The following PDCD1LG2 variants were observed in gnomAD, a reference collection of about 807,000 sequenced individuals.
The protein encoded by PDCD1LG2 is B7 dendritic cell molecule.
PDCD1LG2 carries 32 observed loss-of-function variants against 28.2 expected under a neutral mutation model. The observed-to-expected ratio is 1.13, with a 90% CI of 0.86 to 1.52. The LOEUF (loss-of-function observed/expected upper bound fraction) is 1.52, where lower values mean the gene tolerates loss of function less well. Among genes scored for constraint, PDCD1LG2 ranks in the 40% most tolerant of loss-of-function variants. PDCD1LG2 has a pLI of 0.00. For missense variants in PDCD1LG2, 385 were observed against 323.8 expected (o/e 1.19, Z -1.45); for synonymous variants, 116 against 120.2 (o/e 0.97, Z 0.23).
chr9:5,515,453 T>C (rs1820138557), intron 1 of PDCD1LG2, among the ~76,000 whole-genome samples: 1 of 152,190 alleles, frequency 6.6e-6, no homozygotes, highest in Admixed American at 6.5e-5. Context: ...AAATGAGGTA[T>C]GTGGACAACT....
At chr9:5,525,854 C>G (rs1282942863) in intron 2 of PDCD1LG2, among the ~76,000 whole-genome samples, 1 of 152,026 alleles carries the variant, frequency 6.6e-6, no homozygotes, top group Non-Finnish European at 1.5e-5. Flanking sequence ...CGAGACCAGC[C>G]TGGCCCGCAT....
At position 5,570,483 on chromosome 9, in the gene PDCD1LG2, C is replaced by G; in HGVS notation, c.*524C>G. On this transcript the variant is annotated 3_prime_UTR_variant, in exon 7 of 7. Coordinates refer to ENST00000397747, the MANE Select transcript of PDCD1LG2 (RefSeq NM_025239.4). ...CATAATTGACATGTTTTATGGATTA[C>G]TGGAATCTTGATAGCATAATGAAGT... 1 of 233,942 alleles carries G rather than the reference C, an allele frequency of 4.3e-6. No individual in the cohort carries two copies. The highest frequency in any genetic ancestry group is 6.0e-5 in the East Asian group (1 of 16,540). The allele number at this position is 233,942 out of a possible 1,614,324, so 14.5% of individuals were successfully genotyped here. A position where few individuals can be genotyped will look rare whatever the true frequency, so the allele number is the denominator to read the frequency against.
intron 1 of PDCD1LG2, among the ~76,000 whole-genome samples, chr9:5,521,242 A>G (rs1820267836): frequency 6.6e-6 from 1 of 152,150 alleles, no homozygotes; most frequent in African/African-American, 2.4e-5. Flanking sequence ...AGTTTCTGCT[A>G]ATGGGTAAGG....
rs1173743109 is a variant in PDCD1LG2, at chr9:5,549,338, C to T, written c.365C>T (p.Ser122Phe). The change falls in exon 4 of 7, where the codon TCC becomes TTC. Residue 122 changes from serine to phenylalanine, a missense_variant. Ser to Phe is a radical substitution (Grantham distance 155). Transcript: ENST00000397747. ...YKYLTLKVKA[S>F]YRKINTHILK... ...CTTTTTCTTCTCTATTGTCCAGCTT[C>T]CTACAGGAAAATAAACACTCACATC... The T allele has an allele frequency of 6.2e-7, 1 of 1,610,488 alleles. No homozygotes were observed. The highest frequency in any genetic ancestry group is 2.2e-5 in the East Asian group (1 of 44,804).
intron 2 of PDCD1LG2, among the ~76,000 whole-genome samples, chr9:5,529,352 A>G (rs1820438744): frequency 1.3e-5 from 2 of 152,294 alleles, no homozygotes; most frequent in Middle Eastern, 6.8e-3. Context: ...GGTTAAGCTC[A>G]TTTTAGTTTT....
intron 2 of PDCD1LG2, 62 bp from the exon 3 acceptor site, chr9:5,534,683 T>A: frequency 6.8e-7 from 1 of 1,472,288 alleles, no homozygotes; most frequent in African/African-American, 1.4e-5. Context: ...AGGTTACACT[T>A]CGTAAGAACT....
chr9:5,528,710 G>A (rs890923672), intron 2 of PDCD1LG2, among the ~76,000 whole-genome samples: 1 of 152,066 alleles, frequency 6.6e-6, no homozygotes, highest in Non-Finnish European at 1.5e-5. Flanking sequence ...TTTAATTATT[G>A]TTTATTTTCT....
chr9:5,516,860 T>C (rs1820175750), intron 1 of PDCD1LG2, among the ~76,000 whole-genome samples: 1 of 152,120 alleles, frequency 6.6e-6, no homozygotes, highest in Non-Finnish European at 1.5e-5. Flanking sequence ...ACTTTCAACC[T>C]TGTGGGAGCA....
chr9:5,535,032 C>G lies in PDCD1LG2; in HGVS notation c.343C>G (p.Leu115Val), dbSNP rs1820554126. ...TGGGGTCGCCTGGGACTACAAGTAC[C>G]TGACTCTGAAAGTCAAAGGTGAGTG... ...IYGVAWDYKY[L>V]TLKVKASYRK... is the part of the protein sequence containing the mutation. Residue 115 changes from leucine to valine, a missense_variant, in exon 3 of 7, where the codon CTG becomes GTG. By Grantham distance (32) the Leu-to-Val change is conservative. Transcript: ENST00000397747. 2.5e-6 allele frequency: 4 copies of G among 1,609,254 alleles called. No homozygotes were observed. Among genetic ancestry groups the G allele is most frequent in the Non-Finnish European group, 3.4e-6 (4 of 1,177,030 alleles).
At chr9:5,546,913 C>G (rs893003344) in intron 3 of PDCD1LG2, among the ~76,000 whole-genome samples, 1 of 152,174 alleles carries the variant, frequency 6.6e-6, no homozygotes, top group Non-Finnish European at 1.5e-5. Context: ...AAAGTGCACG[C>G]AGGTTCTGGT....
intron 3 of PDCD1LG2, among the ~76,000 whole-genome samples, chr9:5,545,392 T>G (rs1019575171): frequency 2.0e-5 from 3 of 152,264 alleles, no homozygotes; most frequent in Non-Finnish European, 4.4e-5. Context: ...AAGAAAATCT[T>G]TCCAATGGAA....
intron 3 of PDCD1LG2, among the ~76,000 whole-genome samples, chr9:5,548,298 C>T (rs902733817): frequency 3.3e-5 from 5 of 152,204 alleles, no homozygotes; most frequent in African/African-American, 9.6e-5. Context: ...TAATACCCTT[C>T]AGTTCCATCC....
At position 5,569,877 on chromosome 9, in the gene PDCD1LG2, C is replaced by T. The variant is rs1816738950; in HGVS notation, c.817-77C>T. ...AACTTTTTTAAAAAAATTAGTTCCTCACTCAAATTTTGGGGAGGTTATATA... is the reference window on the plus strand; with the variant it reads ...AACTTTTTTAAAAAAATTAGTTCCTTACTCAAATTTTGGGGAGGTTATATA... On this transcript the variant is annotated intron_variant, in intron 6 of 6. Coordinates refer to ENST00000397747, the MANE Select transcript of PDCD1LG2 (RefSeq NM_025239.4). The surrounding 1 kb of genome is among the most constrained non-coding windows in gnomAD (Gnocchi z 4.1). 19 of 1,442,762 alleles carry T rather than the reference C, an allele frequency of 1.3e-5. No homozygotes were observed. In the South Asian group the frequency reaches 2.0e-4, roughly 15 times the overall value. The allele number at this position is 1,442,762 out of a possible 1,614,324, so 89.4% of individuals were successfully genotyped here. A position where few individuals can be genotyped will look rare whatever the true frequency, so the allele number is the denominator to read the frequency against.
intron 3 of PDCD1LG2, among the ~76,000 whole-genome samples, chr9:5,546,838 G>A (rs1398065858): frequency 6.6e-6 from 1 of 152,086 alleles, no homozygotes; most frequent in African/African-American, 2.4e-5. Flanking sequence ...GAGCTTTTTG[G>A]GACATACCAG....
intron 2 of PDCD1LG2, among the ~76,000 whole-genome samples, chr9:5,526,150 C>T (rs903274430): frequency 6.6e-6 from 1 of 151,814 alleles, no homozygotes; most frequent in Admixed American, 6.6e-5. Flanking sequence ...TGTGCTAGTT[C>T]TTAGGGTAGG....
chr9:5,518,265 G>A (rs146459106), intron 1 of PDCD1LG2, among the ~76,000 whole-genome samples: 204 of 152,348 alleles, frequency 1.3e-3, no homozygotes, highest in African/African-American at 4.5e-3. Flanking sequence ...TTCCCCAGAG[G>A]AGGATTAGTA....
At chr9:5,527,938 C>G (rs976941669) in intron 2 of PDCD1LG2, among the ~76,000 whole-genome samples, 1 of 152,096 alleles carries the variant, frequency 6.6e-6, no homozygotes, top group African/African-American at 2.4e-5. Flanking sequence ...AGGCTATTCT[C>G]CTGCCTCAGC....
chr9:5,563,652 G>A (rs141402516), intron 6 of PDCD1LG2, among the ~76,000 whole-genome samples: 84 of 152,304 alleles, frequency 5.5e-4, no homozygotes, highest in African/African-American at 1.8e-3. Flanking sequence ...GGAGGAGGAA[G>A]GATATGATCT....
chr9:5,522,117 T>C (rs1159025278), intron 1 of PDCD1LG2, among the ~76,000 whole-genome samples: 6 of 152,222 alleles, frequency 3.9e-5, no homozygotes, highest in African/African-American at 1.4e-4. Flanking sequence ...TATTTTCAAG[T>C]GTCAGACTCC....
Sources: allele counts gnomAD v4.1 joint callset (sites outside exome capture counted in the v4.1 genomes callset), GRCh38; gene constraint gnomAD v4.1.1; non-coding constraint Gnocchi (gnomAD v3.1); transcripts MANE v1.5; gene names NCBI Gene and HGNC (gene_info 2026-07-23, HGNC 2026-07-21).